AP3B1: variants seen among roughly 807,000 people sequenced by gnomAD.
AP3B1 encodes AP-3 complex subunit beta-1.
In AP3B1, 61 loss-of-function variants were observed where a neutral mutation model predicts 132.5. The ratio of observed to expected loss-of-function variants is 0.46; its 90% CI spans 0.37 to 0.57. The LOEUF (loss-of-function observed/expected upper bound fraction) is 0.57. AP3B1 is among the 20% of genes least tolerant of loss of function. AP3B1 has a pLI of 0.00. For synonymous variants in AP3B1, 388 were observed against 438.3 expected (o/e 0.89, Z 1.43); for missense variants, 1,120 against 1,289.4 (o/e 0.87, Z 2.01).
intron 14 of AP3B1, among the ~76,000 whole-genome samples, chr5:78,152,859 C>T (rs993993930): frequency 2.6e-5 from 4 of 152,008 alleles, no homozygotes; most frequent in African/African-American, 9.7e-5. Context: ...TTTGAAAATT[C>T]CTCTTGTTTT....
At chr5:78,213,772 T>C (rs1044019799) in intron 7 of AP3B1, among the ~76,000 whole-genome samples, 2 of 152,244 alleles carry the variant, frequency 1.3e-5, no homozygotes, top group East Asian at 1.9e-4. Context: ...AGGGAACATG[T>C]ACTTGAATTG....
chr5:78,068,501 T>C (rs1330968152), intron 22 of AP3B1, among the ~76,000 whole-genome samples: 3 of 152,046 alleles, frequency 2.0e-5, no homozygotes, highest in Non-Finnish European at 4.4e-5. Context: ...AGCACCTCTA[T>C]GCAAATAAAC....
intron 2 of AP3B1, among the ~76,000 whole-genome samples, chr5:78,243,203 T>A (rs1324915438): frequency 1.3e-5 from 2 of 152,220 alleles, no homozygotes; most frequent in African/African-American, 4.8e-5. Flanking sequence ...CTATGATTTG[T>A]ACACCTCTCT....
At chr5:78,243,328 A>T (rs1208469790) in intron 2 of AP3B1, among the ~76,000 whole-genome samples, 1 of 152,168 alleles carries the variant, frequency 6.6e-6, no homozygotes, top group African/African-American at 2.4e-5. Context: ...AAAGTCAGAC[A>T]TCCTGTCCTA....
chr5:78,125,512 G>A (rs1269591119), intron 17 of AP3B1, among the ~76,000 whole-genome samples: 1 of 152,148 alleles, frequency 6.6e-6, no homozygotes, highest in Non-Finnish European at 1.5e-5. Context: ...GAAGTAGAGT[G>A]AGAGACAAGA....
intron 24 of AP3B1, among the ~76,000 whole-genome samples, chr5:78,032,565 A>T (rs1289172158): frequency 6.6e-6 from 1 of 152,104 alleles, no homozygotes; most frequent in East Asian, 1.9e-4. Flanking sequence ...ATTGATTTAA[A>T]CACTGTCGAT....
At chr5:78,023,261 T>C (rs564587791) in intron 24 of AP3B1, among the ~76,000 whole-genome samples, 18 of 152,210 alleles carry the variant, frequency 1.2e-4, no homozygotes, top group South Asian at 4.1e-4. Flanking sequence ...CAGCAGATAA[T>C]TGGAAATACA....
chr5:78,016,280 G>A (rs1393467073), intron 25 of AP3B1, among the ~76,000 whole-genome samples: 2 of 151,910 alleles, frequency 1.3e-5, no homozygotes, highest in African/African-American at 4.8e-5. Flanking sequence ...GCAAAAGCAT[G>A]AAAAAAACCA....
chr5:78,287,101 C>T lies in AP3B1; in HGVS notation c.128+7351G>A, dbSNP rs184131988. On this transcript the variant is annotated intron_variant, in intron 1 of 26. Coordinates refer to ENST00000255194, the MANE Select transcript of AP3B1 (RefSeq NM_003664.5). The stretch of plus-strand genomic sequence containing the variant: ...ATGCAGCAAAAAAGAACATTTCAAC[C>T]AACCATCTGTCTGCCTTTTTCATGT... 5.9e-5 allele frequency among the ~76,000 whole-genome samples: 9 copies of T among 152,266 alleles called. No homozygotes were observed. In the East Asian group the frequency reaches 9.6e-4, roughly 16 times the overall value.
chr5:78,032,021 C>T (rs1034427356), intron 24 of AP3B1, among the ~76,000 whole-genome samples: 17 of 152,070 alleles, frequency 1.1e-4, no homozygotes, highest in South Asian at 4.2e-4. Flanking sequence ...ATGTATATTG[C>T]GCACATATTT....
chr5:78,089,141 T>C (rs1041256424), intron 22 of AP3B1: 4 of 414,120 alleles, frequency 9.7e-6, no homozygotes, highest in Non-Finnish European at 1.8e-5. Context: ...CTTTGTATGT[T>C]ACAGATATAT....
At chr5:78,087,269 T>G (rs886542119) in intron 22 of AP3B1, among the ~76,000 whole-genome samples, 15 of 152,166 alleles carry the variant, frequency 9.9e-5, no homozygotes, top group African/African-American at 3.6e-4. Context: ...TTGTAATTCT[T>G]GAGGGGTTTT....
At chr5:78,145,020 A>G (rs1157702515) in intron 14 of AP3B1, among the ~76,000 whole-genome samples, 1 of 152,120 alleles carries the variant, frequency 6.6e-6, no homozygotes, top group East Asian at 1.9e-4. Flanking sequence ...TTTATTCTAG[A>G]AGAACTCCAA....
At chr5:78,229,739 C>CA (rs750333386) in intron 3 of AP3B1, among the ~76,000 whole-genome samples, 1 of 150,812 alleles carries the variant, frequency 6.6e-6, no homozygotes, top group Non-Finnish European at 1.5e-5. Flanking sequence ...GACTCTGTCT[C>CA]AAAAATTTAA....
intron 6 of AP3B1, among the ~76,000 whole-genome samples, chr5:78,223,027 C>CTCTTTTTTTTTTTTTTTTTTTTT (rs66493022): frequency 7.8e-6 from 1 of 127,818 alleles, no homozygotes; most frequent in African/African-American, 2.9e-5. Context: ...TTGTTTGTTT[C>CTCTTTTTTTTTTTTTTTTTTTTT]TTTTTTTTTT....
At chr5:78,217,746 C>A (rs1249747487) in intron 6 of AP3B1, among the ~76,000 whole-genome samples, 1 of 151,722 alleles carries the variant, frequency 6.6e-6, no homozygotes, top group East Asian at 1.9e-4. Flanking sequence ...GTATTATCAA[C>A]CTTATATTAA....
rs569218934 is a variant in AP3B1, at chr5:78,029,483, T to C, written c.2894+4878A>G. Among the ~76,000 whole-genome samples the C allele has an allele frequency of 2.2e-3, 338 of 151,770 alleles. 3 individuals are homozygous for C. Among genetic ancestry groups the C allele is most frequent in the African/African-American group, 6.2e-3 (256 of 41,298 alleles). On this transcript the variant is annotated intron_variant, in intron 24 of 26. Transcript: ENST00000255194. ...TTAGGGAGGTTTCTCATAAATAGCA[T>C]ATGTTAAATTTTGTTTTTTACCTGT...
chr5:78,118,576 C>G (rs1364997334), intron 17 of AP3B1, among the ~76,000 whole-genome samples: 1 of 152,324 alleles, frequency 6.6e-6, no homozygotes, highest in East Asian at 1.9e-4. Flanking sequence ...TTGCTGATTG[C>G]TAGCACAGCA....
Position 78,059,405 on chromosome 5 carries a change from G to C in AP3B1, c.2578-20131C>G, listed in dbSNP as rs1391491680. 2.6e-5 allele frequency among the ~76,000 whole-genome samples: 4 copies of C among 152,358 alleles called. No homozygotes were observed. The East Asian group carries it at 7.7e-4, about 29-fold the overall frequency. On this transcript the variant is annotated intron_variant, in intron 22 of 26. Coordinates refer to ENST00000255194, the MANE Select transcript of AP3B1 (RefSeq NM_003664.5). Reference sequence around the variant, plus strand: ...GTTTGTGGTAATGTGTTACATCAGTGACTGGAAACTAATAAAGGTAACTGC... The same window carrying C: ...GTTTGTGGTAATGTGTTACATCAGTCACTGGAAACTAATAAAGGTAACTGC...
Sources: allele counts gnomAD v4.1 joint callset (sites outside exome capture counted in the v4.1 genomes callset), GRCh38; gene constraint gnomAD v4.1.1; transcripts MANE v1.5; gene names NCBI Gene and HGNC (gene_info 2026-07-23, HGNC 2026-07-21).